Variants in CYP2J2 observed in about 807,000 individuals in gnomAD.
CYP2J2 encodes the protein cytochrome P450 family 2 subfamily J member 2.
CYP2J2 carries 41 observed loss-of-function variants against 48.8 expected under a neutral mutation model. That is an observed-to-expected ratio of 0.84 (90% confidence interval 0.66 to 1.09). CYP2J2 has a LOEUF of 1.09. CYP2J2 is among the 50% of genes least tolerant of loss of function. The pLI is 0.00. For synonymous variants in CYP2J2, 221 were observed against 227.1 expected, an observed-to-expected ratio of 0.97 and a Z score of 0.24; for missense variants, 644 against 617.3, an observed-to-expected ratio of 1.04 and a Z score of -0.46.
At chr1:59,921,015 A>G (rs914637888) in intron 1 of CYP2J2, among the ~76,000 whole-genome samples, 1 of 152,186 alleles carries the variant, frequency 6.6e-6, no homozygotes, top group African/African-American at 2.4e-5. Context: ...AATTTCTTCC[A>G]ACATTCTACA....
Position 59,916,005 on chromosome 1 carries a change from G to C in CYP2J2, c.306C>G (p.Ile102Met), listed in dbSNP as rs1415561725. 8 of 1,614,032 alleles carry C rather than the reference G, an allele frequency of 5.0e-6. No individual in the cohort carries two copies. Among genetic ancestry groups the C allele is most frequent in the Non-Finnish European group, 6.8e-6 (8 of 1,179,940 alleles). The change falls in exon 2 of 9, where the codon ATC becomes ATG. Residue 102 changes from isoleucine to methionine, a missense_variant. Coordinates refer to ENST00000371204, the MANE Select transcript of CYP2J2 (RefSeq NM_000775.4). ...GGTTCCCAAAGTTTTGGTCCATGTG[G>C]ATAAGGGCTTCTTTGATTAAGGGCA... ...TGLPLIKEAL[I>M]HMDQNFGNRP...
chr1:59,926,206 TC>T (rs1465415156), intron 1 of CYP2J2, among the ~76,000 whole-genome samples: 1 of 152,136 alleles, frequency 6.6e-6, no homozygotes, highest in Non-Finnish European at 1.5e-5. Context: ...AAATGAAGTT[TC>T]TCAGAAAGAA....
chr1:59,969,047 C>T, the CYP2J2 span, among the ~76,000 whole-genome samples: 12 of 152,118 alleles, frequency 7.9e-5, no homozygotes, highest in Non-Finnish European at 1.6e-4. Context: ...GTTCGTTCCT[C>T]CTGGTGGGCT....
At chr1:59,947,753 TTCCCA>T in the CYP2J2 span, among the ~76,000 whole-genome samples, 1 of 152,156 alleles carries the variant, frequency 6.6e-6, no homozygotes, top group African/African-American at 2.4e-5. Context: ...CCAGCTTAAC[TTCCCA>T]TCCTTGGCTC....
At position 59,893,749 on chromosome 1, in the gene CYP2J2, A is replaced by G; in HGVS notation, c.1411T>C (p.Phe471Leu). ...FFTSLMQKFT[F>L]RPPNNEKLSL... ...AGCTTCTCATTGTTTGGGGGCCTGA[A>G]GGTAAATTTTTGCATAAGGGAAGTG... Residue 471 changes from phenylalanine (F) to leucine (L), a missense_variant, in exon 9 of 9, where the codon TTC (phenylalanine) becomes CTC (leucine). Transcript: ENST00000371204. 1 of 1,613,488 alleles carries G rather than the reference A, an allele frequency of 6.2e-7. No individual in the cohort carries two copies. The highest frequency in any genetic ancestry group is 8.5e-7 in the Non-Finnish European group (1 of 1,179,708).
the CYP2J2 span, among the ~76,000 whole-genome samples, chr1:59,969,137 GTTA>G: frequency 7.9e-5 from 12 of 152,228 alleles, no homozygotes; most frequent in East Asian, 2.3e-3. Context: ...GACCCAAAGA[GTTA>G]GCAGCAGGAA....
chr1:59,907,336 T>C (rs553980435), intron 6 of CYP2J2, among the ~76,000 whole-genome samples: 1 of 152,268 alleles, frequency 6.6e-6, no homozygotes, highest in African/African-American at 2.4e-5. Flanking sequence ...TGTCACTTAG[T>C]GAGGCCACCA....
At chr1:59,939,855 C>T in the CYP2J2 span, among the ~76,000 whole-genome samples, 2 of 152,170 alleles carry the variant, frequency 1.3e-5, no homozygotes, top group African/African-American at 2.4e-5. Flanking sequence ...CCATGGCCAC[C>T]GCCACCACAG....
intron 8 of CYP2J2, among the ~76,000 whole-genome samples, chr1:59,895,267 A>G (rs1223786174): frequency 6.6e-6 from 1 of 152,246 alleles, no homozygotes; most frequent in African/African-American, 2.4e-5. Context: ...TCAGTCTGGA[A>G]TAAGTCCTCA....
upstream of CYP2J2, among the ~76,000 whole-genome samples, chr1:59,929,199 T>G (rs555207411): frequency 2.0e-5 from 3 of 152,360 alleles, no homozygotes; most frequent in East Asian, 5.8e-4. Flanking sequence ...GTCAGAGGCT[T>G]TACACTGTGG....
chr1:59,948,614 A>T, the CYP2J2 span, among the ~76,000 whole-genome samples: 33 of 152,354 alleles, frequency 2.2e-4, no homozygotes, highest in Middle Eastern at 6.8e-3. Context: ...CACCAACCTA[A>T]TATTAACAGT....
At chr1:59,945,558 T>TA in the CYP2J2 span, among the ~76,000 whole-genome samples, 1 of 152,220 alleles carries the variant, frequency 6.6e-6, no homozygotes, top group Non-Finnish European at 1.5e-5. Flanking sequence ...GAGCCTTTTT[T>TA]AAATTATAGA....
upstream of CYP2J2, chr1:59,926,795 C>A: frequency 6.6e-7 from 1 of 1,518,958 alleles, no homozygotes; most frequent in Non-Finnish European, 9.0e-7. Flanking sequence ...GCGGCGGTCC[C>A]AGCAGGCGAC....
chr1:59,926,930 C>A, upstream of CYP2J2: 1 of 612,328 alleles, frequency 1.6e-6, no homozygotes, highest in Non-Finnish European at 2.9e-6. Flanking sequence ...AAAGGCCAGG[C>A]TAGGAGCAGT....
rs1007815021 is a variant in CYP2J2 at position 59,912,179 on chromosome 1, G to T, written c.506C>A (p.Ala169Glu). The T allele has an allele frequency of 6.2e-7, 1 of 1,613,062 alleles. No individual in the cohort carries two copies. Among genetic ancestry groups the T allele is most frequent in the Non-Finnish European group, 8.5e-7 (1 of 1,179,620 alleles). ...IQEEAQHLTE[A>E]IKEENGQPFD... ...ATGCTCACCGTTCTCCTCTTTTATT[G>T]CTTCAGTGAGGTGTTGGGCCTCCTC... Residue 169 changes from alanine (A) to glutamate (E), a missense_variant, in exon 3 of 9, where the codon GCA (alanine) becomes GAA (glutamate). By Grantham distance (107) the Ala-to-Glu change is moderately radical (BLOSUM62 -1). Transcript: ENST00000371204.
the CYP2J2 span, among the ~76,000 whole-genome samples, chr1:59,943,695 C>G: frequency 6.6e-6 from 1 of 151,474 alleles, no homozygotes; most frequent in Non-Finnish European, 1.5e-5. Flanking sequence ...TTTTTCCCCC[C>G]ACAAAGGGTT....
chr1:59,919,677 T>C (rs1165847106), intron 1 of CYP2J2, among the ~76,000 whole-genome samples: 2 of 152,244 alleles, frequency 1.3e-5, no homozygotes, highest in African/African-American at 4.8e-5. Flanking sequence ...ATAATGTATA[T>C]GATAGACCTG....
intron 8 of CYP2J2, among the ~76,000 whole-genome samples, chr1:59,898,236 C>T (rs11572317): frequency 3.3e-5 from 5 of 152,172 alleles, no homozygotes; most frequent in Non-Finnish European, 5.9e-5. Flanking sequence ...TGTTGGAAAA[C>T]ATAATGCAAT....
upstream of CYP2J2, among the ~76,000 whole-genome samples, chr1:59,931,469 C>A (rs1366452308): frequency 6.6e-6 from 1 of 151,922 alleles, no homozygotes; most frequent in Non-Finnish European, 1.5e-5. Flanking sequence ...ACATTGTGTA[C>A]ATTTTTTTTA....
Sources: allele counts gnomAD v4.1 joint callset (sites outside exome capture counted in the v4.1 genomes callset), GRCh38; gene constraint gnomAD v4.1.1; transcripts MANE v1.5; gene names NCBI Gene and HGNC (gene_info 2026-07-23, HGNC 2026-07-21).